Variants in STX8 observed in about 807,000 individuals in gnomAD.
The protein encoded by STX8 is syntaxin 8.
Under a neutral mutation model 37.5 loss-of-function variants are expected in STX8, and 23 were observed. That is an observed-to-expected ratio of 0.61 (90% CI 0.44 to 0.87). The LOEUF is 0.87. Ranked by LOEUF, STX8 falls within the 40% of genes least tolerant of loss-of-function variation. The pLI is 0.00. For synonymous variants in STX8, 115 were observed against 99.1 expected, an observed-to-expected ratio of 1.16 and a Z score of -0.95; for missense variants, 313 against 284.7, an observed-to-expected ratio of 1.10 and a Z score of -0.71.
chr17:9,570,947 G>A (rs1281111477), intron 1 of STX8, among the ~76,000 whole-genome samples: 2 of 151,994 alleles, frequency 1.3e-5, no homozygotes, highest in African/African-American at 4.8e-5. Context: ...GAAAGACAGG[G>A]CGAGCAAAGA....
intron 7 of STX8, among the ~76,000 whole-genome samples, chr17:9,337,225 A>G (rs1055851505): frequency 6.6e-6 from 1 of 152,202 alleles, no homozygotes; most frequent in Non-Finnish European, 1.5e-5. Flanking sequence ...TTCCCAGAAT[A>G]CAAAACACTG....
chr17:9,572,769 T>A (rs577536590), intron 1 of STX8, among the ~76,000 whole-genome samples: 150 of 152,196 alleles, frequency 9.9e-4, no homozygotes, highest in Non-Finnish European at 2.0e-3. Flanking sequence ...AGCGACCCAT[T>A]TTGTGCTTTG....
intron 4 of STX8, among the ~76,000 whole-genome samples, chr17:9,513,377 A>G (rs1040268253): frequency 6.6e-6 from 1 of 152,028 alleles, no homozygotes; most frequent in Admixed American, 6.6e-5. Context: ...ATCTGACCAG[A>G]CATTTCTCAA....
chr17:9,293,102 C>T lies in STX8; in HGVS notation c.644-42457G>A, dbSNP rs140540422. Among the ~76,000 whole-genome samples, 913 of 152,264 alleles carry T rather than the reference C, an allele frequency of 6.0e-3. 3 individuals are homozygous for T. The highest frequency in any genetic ancestry group is 0.011 in the Non-Finnish European group (723 of 68,026). ...CTAAATAACCACTGGGACACAGCAG[C>T]CAGGGACCTCCATGTCTCCTAGGTA... On this transcript the variant is annotated intron_variant, in intron 7 of 7. Transcript: ENST00000306357.
At chr17:9,348,053 T>C (rs1439877581) in intron 7 of STX8, among the ~76,000 whole-genome samples, 1 of 152,134 alleles carries the variant, frequency 6.6e-6, no homozygotes, top group African/African-American at 2.4e-5. Context: ...GGTTGGATAG[T>C]ATGTAACTGC....
chr17:9,371,974 A>T (rs1190744952), intron 7 of STX8, among the ~76,000 whole-genome samples: 1 of 152,082 alleles, frequency 6.6e-6, no homozygotes, highest in Admixed American at 6.6e-5. Flanking sequence ...AATATATTTG[A>T]CTATGTGCTG....
At chr17:9,318,638 TCTC>T (rs141917892) in intron 7 of STX8, among the ~76,000 whole-genome samples, 1,589 of 152,254 alleles carry the variant, frequency 0.01, 18 homozygotes, top group African/African-American at 0.036. Flanking sequence ...GTGTCAGAGT[TCTC>T]ATCAGTACTG....
chr17:9,541,375 A>AG (rs1491390762), intron 4 of STX8, among the ~76,000 whole-genome samples: 2 of 152,192 alleles, frequency 1.3e-5, no homozygotes, highest in Non-Finnish European at 1.5e-5. Context: ...TAGAGCAATC[A>AG]GGGGGCAGGG....
chr17:9,555,475 G>A (rs1906928748), intron 3 of STX8: 1 of 152,126 alleles, frequency 6.6e-6, no homozygotes, highest in Non-Finnish European at 1.5e-5. Context: ...ACAATATGTA[G>A]TTACCTTTCT....
chr17:9,415,781 A>G (rs1477484592), intron 6 of STX8, among the ~76,000 whole-genome samples: 1 of 151,918 alleles, frequency 6.6e-6, no homozygotes, highest in African/African-American at 2.4e-5. Context: ...CAACAACAAC[A>G]AAAAGCAATG....
intron 4 of STX8, among the ~76,000 whole-genome samples, chr17:9,542,682 AT>A (rs1214331762): frequency 2.8e-5 from 4 of 143,958 alleles, no homozygotes; most frequent in African/African-American, 1.1e-4. Flanking sequence ...ATCTCAAAAA[AT>A]AAATAAATAA....
At chr17:9,354,316 C>T (rs1350703236) in intron 7 of STX8, among the ~76,000 whole-genome samples, 1 of 145,372 alleles carries the variant, frequency 6.9e-6, no homozygotes, top group African/African-American at 2.6e-5. Flanking sequence ...ATAATTGTCT[C>T]ACTTTTTTTT....
chr17:9,404,373 TATG>T (rs1265673337), intron 6 of STX8, among the ~76,000 whole-genome samples: 1 of 152,188 alleles, frequency 6.6e-6, no homozygotes, highest in African/African-American at 2.4e-5. Flanking sequence ...AATGTTTCTA[TATG>T]ATACCAATCC....
intron 5 of STX8, among the ~76,000 whole-genome samples, chr17:9,503,105 C>CAAAAAAAAAAAAAAAAAA (rs61437085): frequency 1.7e-5 from 1 of 58,600 alleles, no homozygotes; most frequent in African/African-American, 7.6e-5. Context: ...GACTCTGTCT[C>CAAAAAAAAAAAAAAAAAA]AAAAAAAAAA....
At chr17:9,376,404 C>T (rs933398876) in intron 7 of STX8, among the ~76,000 whole-genome samples, 3 of 152,014 alleles carry the variant, frequency 2.0e-5, no homozygotes, top group Non-Finnish European at 4.4e-5. Flanking sequence ...AATCAGCACT[C>T]TGTAAAAATA....
chr17:9,374,213 C>G (rs1911510343), intron 7 of STX8, among the ~76,000 whole-genome samples: 1 of 151,864 alleles, frequency 6.6e-6, no homozygotes, highest in Non-Finnish European at 1.5e-5. Flanking sequence ...TCCCAAGCAA[C>G]TGGGACTACA....
intron 7 of STX8, among the ~76,000 whole-genome samples, chr17:9,269,490 G>A (rs190178948): frequency 6.6e-6 from 1 of 152,132 alleles, no homozygotes; most frequent in African/African-American, 2.4e-5. Context: ...CAAAATATCT[G>A]CCCTTCCAAT....
At chr17:9,347,136 A>G (rs1382935166) in intron 7 of STX8, among the ~76,000 whole-genome samples, 1 of 151,490 alleles carries the variant, frequency 6.6e-6, no homozygotes, top group Non-Finnish European at 1.5e-5. Context: ...TCTCAAAAAA[A>G]TAAAAAAATA....
intron 7 of STX8, among the ~76,000 whole-genome samples, chr17:9,270,333 C>T (rs537740005): frequency 6.6e-6 from 1 of 152,298 alleles, no homozygotes; most frequent in East Asian, 1.9e-4. Context: ...CAAGCACCGC[C>T]GTCTCCTGGG....
Sources: gnomAD v4.1 joint callset for allele counts (sites outside exome capture counted in the v4.1 genomes callset) on GRCh38, gnomAD v4.1.1 for gene constraint, MANE v1.5 for transcripts, NCBI Gene and HGNC (gene_info 2026-07-23, HGNC 2026-07-21) for gene names.